ZBTB20: variants seen among roughly 807,000 people sequenced by gnomAD.
ZBTB20 encodes zinc finger and BTB domain containing 20.
Under a neutral mutation model 56.9 loss-of-function variants are expected in ZBTB20, and 9 were observed. That is an observed-to-expected ratio of 0.16 (90% CI 0.10 to 0.28). ZBTB20 has a LOEUF of 0.28. ZBTB20 is among the 10% of genes least tolerant of loss of function. The pLI is 1.00. For missense variants in ZBTB20, 655 were observed against 1,003.0 expected (o/e 0.65, Z 4.69); for synonymous variants, 417 against 420.7 (o/e 0.99, Z 0.11).
chr3:114,996,991 T>C (rs1362000666), intron 2 of ZBTB20, among the ~76,000 whole-genome samples: 1 of 151,588 alleles, frequency 6.6e-6, no homozygotes, highest in Non-Finnish European at 1.5e-5. Context: ...CAACAGATGC[T>C]GAAGAGGATG....
intron 1 of ZBTB20, among the ~76,000 whole-genome samples, chr3:115,122,113 C>G (rs537905624): frequency 6.6e-6 from 1 of 152,038 alleles, no homozygotes; most frequent in East Asian, 1.9e-4. Flanking sequence ...GAGGCAAATA[C>G]AAGCATATCG....
At chr3:114,625,616 G>C (rs906471604) in intron 6 of ZBTB20, among the ~76,000 whole-genome samples, 2 of 152,056 alleles carry the variant, frequency 1.3e-5, no homozygotes, top group Non-Finnish European at 2.9e-5. Context: ...TTGGGTGGGG[G>C]TAGAGAAGAG....
chr3:115,076,632 T>C (rs945473008), intron 1 of ZBTB20, among the ~76,000 whole-genome samples: 20 of 152,178 alleles, frequency 1.3e-4, no homozygotes, highest in African/African-American at 4.1e-4. Flanking sequence ...ACATTCATCA[T>C]AGTAATAATT....
intron 2 of ZBTB20, among the ~76,000 whole-genome samples, chr3:114,979,853 G>T (rs116803482): frequency 7.2e-4 from 110 of 151,998 alleles, no homozygotes; most frequent in Middle Eastern, 3.4e-3. Context: ...AAAACACCAG[G>T]GAAATCTGGT....
intron 6 of ZBTB20, among the ~76,000 whole-genome samples, chr3:114,632,865 G>A (rs937050932): frequency 1.3e-5 from 2 of 152,164 alleles, no homozygotes; most frequent in African/African-American, 4.8e-5. Flanking sequence ...TTCTCTTAAT[G>A]TCAGGGTTTC....
intron 6 of ZBTB20, among the ~76,000 whole-genome samples, chr3:114,516,490 T>A (rs2046007194): frequency 6.6e-6 from 1 of 152,190 alleles, no homozygotes; most frequent in Non-Finnish European, 1.5e-5. Context: ...ATAGAAGTCA[T>A]CCATCAAAAT....
At chr3:114,682,305 G>A (rs2062024270) in intron 6 of ZBTB20, among the ~76,000 whole-genome samples, 1 of 152,174 alleles carries the variant, frequency 6.6e-6, no homozygotes, top group Non-Finnish European at 1.5e-5. Context: ...CTAGACGATT[G>A]TGGGGATTTT....
intron 1 of ZBTB20, among the ~76,000 whole-genome samples, chr3:115,136,873 T>C (rs750006045): frequency 6.6e-6 from 1 of 151,936 alleles, no homozygotes; most frequent in Non-Finnish European, 1.5e-5. Flanking sequence ...AAAACATGAG[T>C]GTTCAAAGGT....
chr3:115,132,293 G>A (rs1052043284), intron 1 of ZBTB20, among the ~76,000 whole-genome samples: 1 of 151,942 alleles, frequency 6.6e-6, no homozygotes, highest in African/African-American at 2.4e-5. Flanking sequence ...ATGGAAAATG[G>A]AATAATATTT....
intron 6 of ZBTB20, among the ~76,000 whole-genome samples, chr3:114,533,076 C>A (rs181619896): frequency 1.3e-5 from 2 of 152,000 alleles, no homozygotes; most frequent in Non-Finnish European, 2.9e-5. Flanking sequence ...ACCCGAATGT[C>A]GTTTCTCCTC....
intron 1 of ZBTB20, among the ~76,000 whole-genome samples, chr3:115,133,998 C>T (rs1315590821): frequency 5.3e-5 from 8 of 152,054 alleles, no homozygotes; most frequent in Admixed American, 2.0e-4. Context: ...AGATTTATTT[C>T]GGGTTTTACT....
chr3:115,076,707 T>C (rs1211763206), intron 1 of ZBTB20, among the ~76,000 whole-genome samples: 1 of 152,164 alleles, frequency 6.6e-6, no homozygotes, highest in Non-Finnish European at 1.5e-5. Flanking sequence ...ACTATACATC[T>C]TGACTGCACA....
intron 7 of ZBTB20, among the ~76,000 whole-genome samples, chr3:114,392,717 T>C (rs1007790732): frequency 6.6e-6 from 1 of 152,232 alleles, no homozygotes; most frequent in African/African-American, 2.4e-5. Flanking sequence ...AATTTACTTG[T>C]AGAAATGCAT....
chr3:114,735,783 A>C (rs1278753651), intron 5 of ZBTB20, among the ~76,000 whole-genome samples: 3 of 152,150 alleles, frequency 2.0e-5, no homozygotes, highest in African/African-American at 7.2e-5. Flanking sequence ...ATTATATTGA[A>C]AGACTTCAGA....
At chr3:114,363,137 A>C (rs2082059083) in intron 10 of ZBTB20, among the ~76,000 whole-genome samples, 1 of 152,188 alleles carries the variant, frequency 6.6e-6, no homozygotes, top group Non-Finnish European at 1.5e-5. Flanking sequence ...ACAGTTTAAA[A>C]ACCTTCAGGT....
chr3:114,701,257 T>C (rs1277619074), intron 5 of ZBTB20, among the ~76,000 whole-genome samples: 1 of 152,204 alleles, frequency 6.6e-6, no homozygotes, highest in Non-Finnish European at 1.5e-5. Flanking sequence ...TAGGAAACAT[T>C]ACAATTATAG....
intron 2 of ZBTB20, among the ~76,000 whole-genome samples, chr3:114,988,724 A>C (rs11710421): frequency 0.26 from 39,774 of 151,454 alleles, 5,867 homozygotes; most frequent in East Asian, 0.64. Flanking sequence ...CCAACAGTGT[A>C]AAAGTGTTCC....
chr3:114,765,632 A>G (rs1485487993), intron 5 of ZBTB20, among the ~76,000 whole-genome samples: 1 of 152,192 alleles, frequency 6.6e-6, no homozygotes, highest in African/African-American at 2.4e-5. Flanking sequence ...ATATTCTATT[A>G]TGGCAGCCCT....
intron 6 of ZBTB20, among the ~76,000 whole-genome samples, chr3:114,636,450 A>C (rs983413503): frequency 6.6e-5 from 10 of 152,130 alleles, no homozygotes; most frequent in Non-Finnish European, 1.5e-4. Context: ...AAACATTAAA[A>C]GACAAAACTA....
Sources: allele counts gnomAD v4.1 joint callset (sites outside exome capture counted in the v4.1 genomes callset), GRCh38; gene constraint gnomAD v4.1.1; transcripts MANE v1.5; gene names NCBI Gene and HGNC (gene_info 2026-07-23, HGNC 2026-07-21).